ADAMTS2: variants seen among roughly 807,000 people sequenced by gnomAD.
ADAMTS2 encodes the protein A disintegrin and metalloproteinase with thrombospondin motifs 2.
ADAMTS2 carries 50 observed loss-of-function variants against 123.0 expected under a neutral mutation model. That is an observed-to-expected ratio of 0.41 (90% CI 0.32 to 0.51). ADAMTS2 has a LOEUF of 0.51. Ranked by LOEUF, ADAMTS2 falls within the 20% of genes least tolerant of loss-of-function variation. The probability of loss-of-function intolerance (pLI) is 0.35; values close to 1 mark genes in which losing one functional copy is unlikely to be tolerated. For missense variants in ADAMTS2, 1,494 were observed against 1,705.2 expected, an observed-to-expected ratio of 0.88 and a Z score of 2.18; for synonymous variants, 678 against 695.4, an observed-to-expected ratio of 0.98 and a Z score of 0.39.
intron 2 of ADAMTS2, among the ~76,000 whole-genome samples, chr5:179,333,648 G>A (rs149704433): frequency 0.011 from 1,516 of 140,166 alleles, 26 homozygotes; most frequent in African/African-American, 0.037. Flanking sequence ...CTGCTTGGCT[G>A]GAGTGCAGTG....
In ADAMTS2 at chr5:179,122,713, C is replaced by T. The variant is rs761101596; in HGVS notation, c.3019G>A (p.Asp1007Asn). ...TCCTCCTGGCAGATGCCGAAGCTGTCGTCCGCGGTGCGGCAGAGCACTGGC... is the reference window on the plus strand; with the variant it reads ...TCCTCCTGGCAGATGCCGAAGCTGTTGTCCGCGGTGCGGCAGAGCACTGGC... Reference protein sequence around the residue: ...ERPVLCRTADDSFGICQEERP... With the variant: ...ERPVLCRTADNSFGICQEERP... The change falls in exon 20 of 22, where the codon GAC becomes AAC. Residue 1007 changes from aspartate to asparagine, a missense_variant. Around this residue, in one of 6 missense-constraint regions of ADAMTS2, gnomAD observed 953 missense variants for 1,124.7 expected, o/e 0.85. Transcript: ENST00000251582. 5.2e-6 allele frequency: 8 copies of T among 1,552,130 alleles called. No individual in the cohort carries two copies. In the East Asian group the frequency reaches 9.8e-5, roughly 19 times the overall value.
chr5:179,205,841 A>G (rs564882027), intron 4 of ADAMTS2, among the ~76,000 whole-genome samples: 90 of 151,800 alleles, frequency 5.9e-4, no homozygotes, highest in East Asian at 3.3e-3. Flanking sequence ...GTGCGATCTC[A>G]GCTCACTGCA....
rs908982280 is a variant in ADAMTS2, at chr5:179,197,315, C to T, written c.891+10198G>A. Among the ~76,000 whole-genome samples the T allele has an allele frequency of 6.6e-6, 1 of 152,132 alleles. No homozygotes were observed. The highest frequency in any genetic ancestry group is 1.9e-4 in the East Asian group (1 of 5,192). The stretch of plus-strand genomic sequence containing the variant: ...CAACACATTGAGGCCTTAGGCTTCT[C>T]GGGAAGAGTAGGATTGAAATTAGCG... On this transcript the variant is annotated intron_variant, in intron 4 of 21. Coordinates refer to ENST00000251582, the MANE Select transcript of ADAMTS2 (RefSeq NM_014244.5). The surrounding 1 kb of genome is among the most constrained non-coding windows in gnomAD (Gnocchi z 4.2).
chr5:179,242,560 C>A lies in ADAMTS2; in HGVS notation c.688+30351G>T, dbSNP rs927256749. On this transcript the variant is annotated intron_variant, in intron 3 of 21. Transcript: ENST00000251582. The surrounding 1 kb of genome is among the most constrained non-coding windows in gnomAD (Gnocchi z 4.2). ...CTCTAGAAATTATCCTAAGAGCACA[C>A]AACAAACTAAGCAACATCATCTATT... Among the ~76,000 whole-genome samples the A allele has an allele frequency of 3.3e-5, 5 of 152,136 alleles. No homozygotes were observed. Among genetic ancestry groups the A allele is most frequent in the Non-Finnish European group, 7.4e-5 (5 of 68,020 alleles).
chr5:179,275,964 G>T (rs1251920282), intron 2 of ADAMTS2, among the ~76,000 whole-genome samples: 2 of 151,858 alleles, frequency 1.3e-5, no homozygotes, highest in African/African-American at 2.4e-5. Context: ...GGCTTCTGGG[G>T]AAGAGGCCTA....
chr5:179,177,797 G>C (rs1442068439), intron 5 of ADAMTS2, among the ~76,000 whole-genome samples: 2 of 152,180 alleles, frequency 1.3e-5, no homozygotes, highest in Non-Finnish European at 2.9e-5. Context: ...CTTAGGGTCG[G>C]GATAATTTAG....
At chr5:179,229,733 C>T (rs1765366868) in intron 3 of ADAMTS2, among the ~76,000 whole-genome samples, 1 of 152,236 alleles carries the variant, frequency 6.6e-6, no homozygotes, top group Admixed American at 6.5e-5. Context: ...AGGAAATGGG[C>T]CGCAGGCAGC....
At chr5:179,310,048 T>C (rs768363585) in intron 2 of ADAMTS2, among the ~76,000 whole-genome samples, 19 of 152,206 alleles carry the variant, frequency 1.2e-4, no homozygotes, top group Non-Finnish European at 2.5e-4. Context: ...TGCCCCTGAA[T>C]GTCCTGTGGA....
chr5:179,223,546 G>A (rs886688227), intron 3 of ADAMTS2, among the ~76,000 whole-genome samples: 9 of 139,234 alleles, frequency 6.5e-5, no homozygotes, highest in African/African-American at 1.6e-4. Context: ...ACACTCACAC[G>A]AATGCACTCA....
At chr5:179,167,236 C>A (rs1440240439) in intron 5 of ADAMTS2, among the ~76,000 whole-genome samples, 1 of 152,034 alleles carries the variant, frequency 6.6e-6, no homozygotes, top group Non-Finnish European at 1.5e-5. Context: ...GTGCTGCCCC[C>A]CGCGCGGGGC....
At chr5:179,223,527 C>CATGCACTCACACACAA (rs140403370) in intron 3 of ADAMTS2, among the ~76,000 whole-genome samples, 7 of 146,962 alleles carry the variant, frequency 4.8e-5, no homozygotes, top group Non-Finnish European at 6.0e-5. Context: ...CACTCACACA[C>CATGCACTCACACACAA]ATGCACTCAC....
intron 3 of ADAMTS2, among the ~76,000 whole-genome samples, chr5:179,269,088 G>A (rs1423677722): frequency 3.9e-5 from 6 of 152,278 alleles, no homozygotes; most frequent in East Asian, 1.9e-4. Context: ...ACAGGGACAC[G>A]TCAGAAGAGG....
chr5:179,264,372 T>G (rs1337464197), intron 3 of ADAMTS2, among the ~76,000 whole-genome samples: 1 of 152,130 alleles, frequency 6.6e-6, no homozygotes, highest in Non-Finnish European at 1.5e-5. Flanking sequence ...GCCAGCAGGC[T>G]CCTACATCCA....
At position 179,152,237 on chromosome 5, in the gene ADAMTS2, A is replaced by G; in HGVS notation, c.1534T>C (p.Cys512Arg). The G allele has an allele frequency of 6.2e-7, 1 of 1,614,046 alleles. No individual in the cohort carries two copies. Among genetic ancestry groups the G allele is most frequent in the Non-Finnish European group, 8.5e-7 (1 of 1,179,918 alleles). ...MCTAFRTFDPCKQLWCSHPDN... is the reference protein window; with the variant it reads ...MCTAFRTFDPRKQLWCSHPDN... The stretch of plus-strand genomic sequence containing the variant: ...GGATGGCTGCACCACAGCTGCTTGC[A>G]GGGGTCAAAGGTCCGGAACTGGAAG... The change falls in exon 10 of 22, where the codon TGC (cysteine) becomes CGC (arginine). Residue 512 changes from cysteine (C) to arginine (R), a missense_variant. Around this residue, in one of 6 missense-constraint regions of ADAMTS2, gnomAD observed 953 missense variants for 1,124.7 expected, o/e 0.85. Transcript: ENST00000251582.
intron 2 of ADAMTS2, among the ~76,000 whole-genome samples, chr5:179,341,788 A>G (rs1757783050): frequency 6.6e-6 from 1 of 151,904 alleles, no homozygotes; most frequent in Non-Finnish European, 1.5e-5. Flanking sequence ...CAGTGACAGC[A>G]TTCAATGCCG....
rs570021480 is a variant in ADAMTS2, at chr5:179,296,417, A to G, written c.535-23353T>C. On this transcript the variant is annotated intron_variant, in intron 2 of 21. Coordinates refer to ENST00000251582, the MANE Select transcript of ADAMTS2 (RefSeq NM_014244.5). ...AGGGGGGATGCTGCCTGCAGAGGCC[A>G]GCAGTCAGGAATGTCGAAGTAGATC... is the stretch of plus-strand genomic sequence containing the variant. Among the ~76,000 whole-genome samples the G allele has an allele frequency of 2.0e-5, 3 of 152,256 alleles. No homozygotes were observed. In the South Asian group the frequency reaches 6.2e-4, roughly 32 times the overall value.
At chr5:179,255,177 G>A (rs1358917648) in intron 3 of ADAMTS2, among the ~76,000 whole-genome samples, 8 of 152,124 alleles carry the variant, frequency 5.3e-5, no homozygotes, top group Non-Finnish European at 1.2e-4. Context: ...ATGAATGAAT[G>A]GATAAATGAT....
rs1480082341 is a variant in ADAMTS2, at chr5:179,260,685, A to G, written c.688+12226T>C. 6.6e-6 allele frequency among the ~76,000 whole-genome samples: 1 copy of G among 152,124 alleles called. No individual in the cohort carries two copies. The highest frequency in any genetic ancestry group is 1.5e-5 in the Non-Finnish European group (1 of 68,024). On this transcript the variant is annotated intron_variant, in intron 3 of 21. Coordinates refer to ENST00000251582, the MANE Select transcript of ADAMTS2 (RefSeq NM_014244.5). This position sits in a 1 kb window ranked among gnomAD's most constrained non-coding sequence, Gnocchi z 4.2. The stretch of plus-strand genomic sequence containing the variant: ...GCTTACTATCTGTGCGACCGTCGGC[A>G]CCTCAGTTTCCTCATCTGTAACGTG...
chr5:179,282,243 A>C (rs55806213), intron 2 of ADAMTS2, among the ~76,000 whole-genome samples: 5,916 of 152,298 alleles, frequency 0.039, 328 homozygotes, highest in African/African-American at 0.12. Context: ...TTACTCCTAC[A>C]TTATTTAAGA....
Sources: allele counts gnomAD v4.1 joint callset (sites outside exome capture counted in the v4.1 genomes callset), GRCh38; gene constraint gnomAD v4.1.1; regional missense constraint gnomAD v4.1.1; non-coding constraint Gnocchi (gnomAD v3.1); transcripts MANE v1.5; gene names NCBI Gene and HGNC (gene_info 2026-07-23, HGNC 2026-07-21).